Variants in KIF16B observed in about 807,000 individuals in gnomAD.
The protein encoded by KIF16B is kinesin family member 16B.
KIF16B carries 98 observed loss-of-function variants against 156.3 expected under a neutral mutation model. That is an observed-to-expected ratio of 0.63 (90% CI 0.53 to 0.74). The LOEUF (loss-of-function observed/expected upper bound fraction) is 0.74, where lower values mean the gene tolerates loss of function less well. KIF16B is among the 30% of genes least tolerant of loss of function. The probability of loss-of-function intolerance (pLI) is 0.00; values close to 1 mark genes in which losing one functional copy is unlikely to be tolerated. For missense variants in KIF16B, 1,421 were observed against 1,606.5 expected (o/e 0.88, Z 1.97); for synonymous variants, 564 against 583.7 (o/e 0.97, Z 0.49).
intron 20 of KIF16B, among the ~76,000 whole-genome samples, chr20:16,373,121 A>G (rs1464965243): frequency 6.6e-6 from 1 of 152,266 alleles, no homozygotes; most frequent in Non-Finnish European, 1.5e-5. Context: ...CTGACCACAG[A>G]GAAAAGATTT....
intron 2 of KIF16B, among the ~76,000 whole-genome samples, chr20:16,526,879 A>G (rs2069564161): frequency 6.6e-6 from 1 of 152,234 alleles, no homozygotes; most frequent in South Asian, 2.1e-4. Flanking sequence ...CATGATTCAC[A>G]TATTATAAAA....
At chr20:16,391,927 T>C (rs1362159357) in intron 17 of KIF16B, among the ~76,000 whole-genome samples, 1 of 152,198 alleles carries the variant, frequency 6.6e-6, no homozygotes, top group African/African-American at 2.4e-5. Context: ...GGGTAGTGTT[T>C]TGAAGACAGT....
chr20:16,366,952 G>A (rs558699880), intron 22 of KIF16B: 153 of 1,257,556 alleles, frequency 1.2e-4, no homozygotes, highest in Middle Eastern at 9.2e-4. Flanking sequence ...TTTTATTGGG[G>A]CTCTGCTATT....
chr20:16,558,983 T>A (rs1404677552), intron 1 of KIF16B, among the ~76,000 whole-genome samples: 1 of 151,960 alleles, frequency 6.6e-6, no homozygotes, highest in Non-Finnish European at 1.5e-5. Context: ...ATTATCTCCC[T>A]GATTGTGAAG....
intron 25 of KIF16B, among the ~76,000 whole-genome samples, chr20:16,288,870 C>T (rs6135725): frequency 6.6e-6 from 1 of 151,240 alleles, no homozygotes; most frequent in Non-Finnish European, 1.5e-5. Flanking sequence ...TGGTATGTAC[C>T]TTAGTAAACA....
chr20:16,455,009 C>T (rs768051620), intron 12 of KIF16B, among the ~76,000 whole-genome samples: 3 of 152,114 alleles, frequency 2.0e-5, no homozygotes, highest in Admixed American at 6.6e-5. Context: ...TATAGGGACA[C>T]GGGCTGAAAA....
intron 12 of KIF16B, among the ~76,000 whole-genome samples, chr20:16,472,437 C>A (rs1203047934): frequency 6.6e-6 from 1 of 151,820 alleles, no homozygotes; most frequent in Non-Finnish European, 1.5e-5. Flanking sequence ...CAGGCTTCGA[C>A]TCCCAAACCC....
chr20:16,492,237 C>CA (rs1477722136), intron 12 of KIF16B, among the ~76,000 whole-genome samples: 1 of 152,192 alleles, frequency 6.6e-6, no homozygotes, highest in Admixed American at 6.6e-5. Context: ...CATCAACTAA[C>CA]AATCAATTTC....
intron 12 of KIF16B, among the ~76,000 whole-genome samples, chr20:16,489,687 A>G (rs1189096983): frequency 1.4e-5 from 2 of 147,760 alleles, no homozygotes; most frequent in East Asian, 3.9e-4. Flanking sequence ...ACAGAGTAAA[A>G]TCCTGTCTCA....
chr20:16,393,683 G>T (rs2065425252), intron 17 of KIF16B, among the ~76,000 whole-genome samples: 1 of 152,198 alleles, frequency 6.6e-6, no homozygotes, highest in Admixed American at 6.5e-5. Flanking sequence ...ACCAAGAGTA[G>T]ACAGTTGTAC....
At chr20:16,565,372 T>G (rs141394364) in intron 1 of KIF16B, among the ~76,000 whole-genome samples, 2 of 152,122 alleles carry the variant, frequency 1.3e-5, no homozygotes, top group Non-Finnish European at 2.9e-5. Flanking sequence ...CATGAGAGAA[T>G]GAAAAAATGG....
In KIF16B at chr20:16,409,963, A is replaced by G. The variant is rs1480908100; in HGVS notation, c.1613-3507T>C. On this transcript the variant is annotated intron_variant, in intron 15 of 25. Transcript: ENST00000354981. ...CACTTACCTACATATATATATATAT[A>G]TATATACATATATATATATATATAT... 1.8e-3 allele frequency among the ~76,000 whole-genome samples: 53 copies of G among 30,158 alleles called. 2 individuals carry two copies. Among genetic ancestry groups the G allele is most frequent in the African/African-American group, 6.7e-3 (49 of 7,300 alleles). The allele number at this position is 30,158 out of a possible 152,430, so 19.8% of individuals were successfully genotyped here. A position where few individuals can be genotyped will look rare whatever the true frequency, so the allele number is the denominator to read the frequency against.
intron 24 of KIF16B, among the ~76,000 whole-genome samples, chr20:16,327,067 G>GTA (rs1359477162): frequency 8.1e-5 from 7 of 86,004 alleles, no homozygotes; most frequent in Non-Finnish European, 1.6e-4. Flanking sequence ...ATGTATACAT[G>GTA]TACACACACA....
At chr20:16,405,149 A>G (rs2065751318) in intron 16 of KIF16B, among the ~76,000 whole-genome samples, 1 of 152,132 alleles carries the variant, frequency 6.6e-6, no homozygotes, top group South Asian at 2.1e-4. Context: ...ATTCATCAGG[A>G]ATTCCACAAC....
intron 7 of KIF16B, among the ~76,000 whole-genome samples, chr20:16,506,904 G>A (rs1206017946): frequency 6.6e-6 from 1 of 151,544 alleles, no homozygotes; most frequent in Non-Finnish European, 1.5e-5. Context: ...AGACCAGCCT[G>A]GGCATCATAG....
intron 25 of KIF16B, among the ~76,000 whole-genome samples, chr20:16,295,663 G>A (rs993601819): frequency 5.3e-5 from 8 of 152,034 alleles, no homozygotes; most frequent in Non-Finnish European, 7.4e-5. Context: ...TCAATTAAGC[G>A]GCTCTAAATG....
At chr20:16,338,064 A>G (rs1407518010) in intron 23 of KIF16B, among the ~76,000 whole-genome samples, 2 of 152,104 alleles carry the variant, frequency 1.3e-5, no homozygotes, top group Non-Finnish European at 2.9e-5. Flanking sequence ...TTCTCCTGAA[A>G]TGCTTCCACT....
intron 15 of KIF16B, among the ~76,000 whole-genome samples, chr20:16,419,601 C>T (rs773502600): frequency 8.5e-5 from 13 of 152,070 alleles, no homozygotes; most frequent in Admixed American, 2.0e-4. Context: ...TTCCCAGATG[C>T]CAATTCTGTA....
At chr20:16,431,639 C>T (rs1449068894) in intron 12 of KIF16B, among the ~76,000 whole-genome samples, 1 of 151,972 alleles carries the variant, frequency 6.6e-6, no homozygotes, top group Non-Finnish European at 1.5e-5. Flanking sequence ...TTTGTAGCAC[C>T]CCTTGCCTCT....
Sources: gnomAD v4.1 joint callset for allele counts (sites outside exome capture counted in the v4.1 genomes callset) on GRCh38, gnomAD v4.1.1 for gene constraint, MANE v1.5 for transcripts, NCBI Gene and HGNC (gene_info 2026-07-23, HGNC 2026-07-21) for gene names.